Variants in C5AR1 observed in about 807,000 individuals in gnomAD.
The protein encoded by C5AR1 is C5a anaphylatoxin chemotactic receptor 1.
C5AR1 carries 4 observed loss-of-function variants against 2.4 expected under a neutral mutation model. The ratio of observed to expected loss-of-function variants is 1.65; its 90% CI spans 0.81 to 3.77. The LOEUF is 3.77. Ranked by LOEUF, C5AR1 falls within the 30% of genes most tolerant of loss-of-function variation. The pLI, the probability that C5AR1 is intolerant of heterozygous loss-of-function variation, is 0.01. For missense variants in C5AR1, 418 were observed against 462.5 expected (o/e 0.90, Z 0.88); for synonymous variants, 209 against 210.4 (o/e 0.99, Z 0.06).
Position 47,309,909 on chromosome 19 carries a change from A to G in C5AR1, c.3+11A>G, listed in dbSNP as rs948792275. 2.5e-6 allele frequency: 4 copies of G among 1,610,684 alleles called. No homozygotes were observed. The highest frequency in any genetic ancestry group is 3.4e-6 in the Non-Finnish European group (4 of 1,178,450). On this transcript the variant is annotated intron_variant, in intron 1 of 1. Transcript: ENST00000355085. ...GGAGACCAGAACATGGTGAGTCTCG[A>G]AGGGGAATGGGAGCAGGAAACTTTG...
chr19:47,314,074 C>A (rs144352667), intron 1 of C5AR1, among the ~76,000 whole-genome samples: 1 of 152,300 alleles, frequency 6.6e-6, no homozygotes, highest in Non-Finnish European at 1.5e-5. Context: ...CACCGTCATG[C>A]CTCACGTCAC....
In C5AR1 at chr19:47,313,894, C is replaced by T. The variant is rs192665909; in HGVS notation, c.3+3996C>T. ...TTCTGGAAAATGAGTGTTGCTGTTG[C>T]AACAAGTAAGTCTCCTAGGGTTGCT... On this transcript the variant is annotated intron_variant, in intron 1 of 1. Transcript: ENST00000355085. Among the ~76,000 whole-genome samples the T allele has an allele frequency of 1.4e-3, 217 of 152,136 alleles. 1 individual carries two copies. In the Middle Eastern group the frequency reaches 0.017, roughly 12 times the overall value.
chr19:47,311,573 T>C (rs1302389800), intron 1 of C5AR1, among the ~76,000 whole-genome samples: 1 of 151,904 alleles, frequency 6.6e-6, no homozygotes, highest in East Asian at 1.9e-4. Context: ...TTTTCTTTCC[T>C]TTTATTTTGA....
upstream of C5AR1, among the ~76,000 whole-genome samples, chr19:47,309,587 A>G (rs2122126062): frequency 6.6e-6 from 1 of 151,680 alleles, no homozygotes; most frequent in East Asian, 1.9e-4. Flanking sequence ...AAAAAAAAAA[A>G]AAAATGAGAG....
In C5AR1 at chr19:47,320,447, T is replaced by C; in HGVS notation, c.670T>C (p.Phe224Leu). The change falls in exon 2 of 2, where the codon TTC (phenylalanine) becomes CTC (leucine). Residue 224 changes from phenylalanine (F) to leucine (L), a missense_variant. Physicochemically the swap from Phe to Leu is conservative, Grantham distance 22. Coordinates refer to ENST00000355085, the MANE Select transcript of C5AR1 (RefSeq NM_001736.4). This position sits in a 1 kb window ranked among gnomAD's most constrained non-coding sequence, Gnocchi z 4.9. ...PLLTLTICYTFILLRTWSRRA... is the reference protein window; with the variant it reads ...PLLTLTICYTLILLRTWSRRA... ...ACTCACGCTCACGATTTGTTACACT[T>C]TCATCCTGCTCCGGACGTGGAGCCG... 1 of 1,612,208 alleles carries C rather than the reference T, an allele frequency of 6.2e-7. No individual in the cohort carries two copies. The highest frequency in any genetic ancestry group is 8.5e-7 in the Non-Finnish European group (1 of 1,179,988).
At chr19:47,314,015 T>C (rs971370137) in intron 1 of C5AR1, among the ~76,000 whole-genome samples, 3 of 152,130 alleles carry the variant, frequency 2.0e-5, no homozygotes, top group Non-Finnish European at 2.9e-5. Context: ...TCCTTCACCC[T>C]GTTCTCATCC....
In C5AR1 at chr19:47,309,879, G is replaced by T. The variant is rs748383249; in HGVS notation, c.-17G>T. On this transcript the variant is annotated 5_prime_UTR_variant, in exon 1 of 2. Coordinates refer to ENST00000355085, the MANE Select transcript of C5AR1 (RefSeq NM_001736.4). ...AGGAGGGACCTTCGATCCTCGGGGA[G>T]CCCAGGAGACCAGAACATGGTGAGT... 6.2e-7 allele frequency: 1 copy of T among 1,612,540 alleles called. No individual in the cohort carries two copies. Among genetic ancestry groups the T allele is most frequent in the Non-Finnish European group, 8.5e-7 (1 of 1,179,232 alleles).
chr19:47,319,877 C>A lies in C5AR1; in HGVS notation c.100C>A (p.Arg34Ser). ...TPVDKTSNTL[R>S]VPDILALVIF... Reference sequence around the variant, plus strand: ...TGTGGATAAAACTTCTAACACGCTGCGTGTTCCAGACATCCTGGCCTTGGT... The same window carrying A: ...TGTGGATAAAACTTCTAACACGCTGAGTGTTCCAGACATCCTGGCCTTGGT... The change falls in exon 2 of 2, where the codon CGT becomes AGT. Residue 34 changes from arginine to serine, a missense_variant. Arg to Ser is a moderately radical substitution (Grantham distance 110, BLOSUM62 -1). Coordinates refer to ENST00000355085, the MANE Select transcript of C5AR1 (RefSeq NM_001736.4). 1 of 1,614,170 alleles carries A rather than the reference C, an allele frequency of 6.2e-7. No homozygotes were observed. The highest frequency in any genetic ancestry group is 1.3e-5 in the African/African-American group (1 of 75,060).
chr19:47,310,862 G>A (rs2059267504), intron 1 of C5AR1, among the ~76,000 whole-genome samples: 1 of 152,162 alleles, frequency 6.6e-6, no homozygotes, highest in South Asian at 2.1e-4. Flanking sequence ...GAGATGGATG[G>A]GGACCCTCCA....
chr19:47,319,783 C>A lies in C5AR1; in HGVS notation c.6C>A (p.Asp2Glu), dbSNP rs1270455762. Residue 2 changes from aspartate to glutamate, a missense_variant and splice_region_variant, in exon 2 of 2, where the codon GAC (aspartate) becomes GAA (glutamate). Physicochemically the swap from Asp to Glu is conservative, Grantham distance 45. Coordinates refer to ENST00000355085, the MANE Select transcript of C5AR1 (RefSeq NM_001736.4). ...CTGCTCTCTCCGATTCCCCTTAGGA[C>A]TCCTTCAATTATACCACCCCTGATT... Reference protein sequence around the residue: MDSFNYTTPDYG... With the variant: MESFNYTTPDYG... 2 of 1,598,022 alleles carry A rather than the reference C, an allele frequency of 1.3e-6. No individual in the cohort carries two copies. The highest frequency in any genetic ancestry group is 1.7e-6 in the Non-Finnish European group (2 of 1,166,148).
intron 1 of C5AR1, among the ~76,000 whole-genome samples, chr19:47,314,676 G>T (rs907374426): frequency 4.0e-5 from 6 of 151,642 alleles, no homozygotes; most frequent in African/African-American, 1.5e-4. Flanking sequence ...GGAATTACAG[G>T]CGTGAACCAC....
intron 1 of C5AR1, among the ~76,000 whole-genome samples, chr19:47,317,858 T>C (rs2059295049): frequency 6.6e-6 from 1 of 151,082 alleles, no homozygotes; most frequent in South Asian, 2.1e-4. Context: ...GCAGGTGCCT[T>C]TAGTCCCAGC....
In C5AR1 at chr19:47,320,310, G is replaced by C; in HGVS notation, c.533G>C (p.Arg178Pro). 6.2e-7 allele frequency: 1 copy of C among 1,611,008 alleles called. No homozygotes were observed. Among genetic ancestry groups the C allele is most frequent in the South Asian group, 1.1e-5 (1 of 91,084 alleles). Residue 178 changes from arginine to proline, a missense_variant, in exon 2 of 2, where the codon CGG becomes CCG. Transcript: ENST00000355085. The surrounding 1 kb of genome is among the most constrained non-coding windows in gnomAD (Gnocchi z 4.9). ...CCCTCCTTCCTGTACCGGGTGGTCC[G>C]GGAGGAGTACTTTCCACCAAAGGTG... Reference protein sequence around the residue: ...TIPSFLYRVVREEYFPPKVLC... With the variant: ...TIPSFLYRVVPEEYFPPKVLC...
chr19:47,314,079 C>T (rs1049442672), intron 1 of C5AR1, among the ~76,000 whole-genome samples: 1 of 152,204 alleles, frequency 6.6e-6, no homozygotes, highest in African/African-American at 2.4e-5. Flanking sequence ...TCATGCCTCA[C>T]GTCACCTGGA....
chr19:47,314,304 A>C (rs1248002721), intron 1 of C5AR1, among the ~76,000 whole-genome samples: 3 of 152,236 alleles, frequency 2.0e-5, no homozygotes, highest in Non-Finnish European at 4.4e-5. Flanking sequence ...TAGAACCCCC[A>C]GAGTGGCCCT....
chr19:47,320,363 A>G lies in C5AR1; in HGVS notation c.586A>G (p.Lys196Glu). Reference sequence around the variant, plus strand: ...GTGTGGCGTGGACTACAGCCACGACAAACGGCGGGAGCGAGCCGTGGCCAT... The same window carrying G: ...GTGTGGCGTGGACTACAGCCACGACGAACGGCGGGAGCGAGCCGTGGCCAT... ...VLCGVDYSHDKRRERAVAIVR... is the reference protein window; with the variant it reads ...VLCGVDYSHDERRERAVAIVR... The change falls in exon 2 of 2, where the codon AAA (lysine) becomes GAA (glutamate). Residue 196 changes from lysine to glutamate, a missense_variant. Transcript: ENST00000355085. This position sits in a 1 kb window ranked among gnomAD's most constrained non-coding sequence, Gnocchi z 4.9. 6.2e-7 allele frequency: 1 copy of G among 1,609,778 alleles called. No individual in the cohort carries two copies. The highest frequency in any genetic ancestry group is 8.5e-7 in the Non-Finnish European group (1 of 1,179,928).
upstream of C5AR1, among the ~76,000 whole-genome samples, chr19:47,309,572 C>CAAA (rs35475766): frequency 0.024 from 2,353 of 96,824 alleles, 149 homozygotes; most frequent in East Asian, 0.21. Context: ...AAGACTCTAT[C>CAAA]AAAAAAAAAA....
chr19:47,315,991 CCATCCATCCGTT>C (rs1199906537), intron 1 of C5AR1, among the ~76,000 whole-genome samples: 16 of 140,926 alleles, frequency 1.1e-4, no homozygotes, highest in African/African-American at 4.3e-4. Context: ...ATCCATCCAT[CCATCCATCCGTT>C]ATCTAGCTAT....
chr19:47,317,211 A>AAAAAG (rs1568660788), intron 1 of C5AR1, among the ~76,000 whole-genome samples: 1 of 142,856 alleles, frequency 7.0e-6, no homozygotes, highest in African/African-American at 2.6e-5. Context: ...AAAAAAAAAA[A>AAAAAG]AAATATAAAA....
Sources: gnomAD v4.1 joint callset for allele counts (sites outside exome capture counted in the v4.1 genomes callset) on GRCh38, gnomAD v4.1.1 for gene constraint, Gnocchi (gnomAD v3.1) non-coding constraint, MANE v1.5 for transcripts, NCBI Gene and HGNC (gene_info 2026-07-23, HGNC 2026-07-21) for gene names.